The following STXBP5L variants were observed in gnomAD, a reference collection of about 807,000 sequenced individuals.
STXBP5L encodes syntaxin-binding protein 5-like.
In STXBP5L, 65 loss-of-function variants were observed where a neutral mutation model predicts 144.5. The ratio of observed to expected loss-of-function variants is 0.45; its 90% CI spans 0.37 to 0.55. The LOEUF (loss-of-function observed/expected upper bound fraction) is 0.55, where lower values mean the gene tolerates loss of function less well. Ranked by LOEUF, STXBP5L falls within the 20% of genes least tolerant of loss-of-function variation. The pLI, the probability that STXBP5L is intolerant of heterozygous loss-of-function variation, is 0.00. For missense variants in STXBP5L, 1,298 were observed against 1,405.5 expected (o/e 0.92, Z 1.22); for synonymous variants, 505 against 469.6 (o/e 1.08, Z -0.97).
intron 3 of STXBP5L, among the ~76,000 whole-genome samples, chr3:120,988,824 C>A (rs1290159812): frequency 6.6e-6 from 1 of 152,038 alleles, no homozygotes; most frequent in East Asian, 1.9e-4. Context: ...CCCACTCTTC[C>A]ACTTTTCTGA....
chr3:121,217,677 C>A (rs965079514), intron 10 of STXBP5L, among the ~76,000 whole-genome samples: 1 of 152,066 alleles, frequency 6.6e-6, no homozygotes, highest in African/African-American at 2.4e-5. Flanking sequence ...TTTTAAAAAT[C>A]TTTTCTCTTT....
chr3:121,358,243 G>A (rs139006587), intron 20 of STXBP5L, among the ~76,000 whole-genome samples: 45 of 150,606 alleles, frequency 3.0e-4, no homozygotes, highest in African/African-American at 8.8e-4. Context: ...TTAACCATCC[G>A]CAACACCTCC....
chr3:121,016,739 CAGAT>C (rs763978894), intron 3 of STXBP5L, among the ~76,000 whole-genome samples: 2 of 152,094 alleles, frequency 1.3e-5, no homozygotes, highest in Admixed American at 6.6e-5. Flanking sequence ...CACATGAGGA[CAGAT>C]AGATAATCTG....
intron 3 of STXBP5L, among the ~76,000 whole-genome samples, chr3:120,974,483 G>T (rs1214728153): frequency 1.0e-4 from 15 of 148,962 alleles, no homozygotes; most frequent in African/African-American, 2.3e-4. Flanking sequence ...ATTCTCCCAT[G>T]CTCTAGGTTG....
chr3:121,259,137 A>G lies in STXBP5L; in HGVS notation c.1927A>G (p.Thr643Ala). Residue 643 changes from threonine (T) to alanine (A), a missense_variant, in exon 18 of 27, where the codon ACT becomes GCT. Physicochemically the swap from Thr to Ala is moderately conservative, Grantham distance 58. Transcript: ENST00000471454. ...WVDGEPPQQI[T>A]SLAVSSAYGI... ...AGATGGTGAACCTCCACAACAGATT[A>G]CTAGTCTTGCTGTAAGCTCAGCATA... 1 of 1,597,132 alleles carries G rather than the reference A, an allele frequency of 6.3e-7. No individual in the cohort carries two copies. Among genetic ancestry groups the G allele is most frequent in the Non-Finnish European group, 8.5e-7 (1 of 1,170,552 alleles).
At chr3:121,061,664 C>A (rs2107632011) in intron 5 of STXBP5L, among the ~76,000 whole-genome samples, 1 of 152,304 alleles carries the variant, frequency 6.6e-6, no homozygotes, top group South Asian at 2.1e-4. Context: ...GTATGTGGTG[C>A]AGATATATTT....
intron 5 of STXBP5L, among the ~76,000 whole-genome samples, chr3:121,100,008 C>A (rs1020450903): frequency 6.6e-6 from 1 of 152,078 alleles, no homozygotes; most frequent in Non-Finnish European, 1.5e-5. Flanking sequence ...TAAAGAAGGA[C>A]ATTACATAAT....
intron 5 of STXBP5L, among the ~76,000 whole-genome samples, chr3:121,073,890 C>A (rs192113543): frequency 4.5e-3 from 680 of 152,308 alleles, no homozygotes; most frequent in Non-Finnish European, 5.5e-3. Flanking sequence ...CATGCTGCCC[C>A]TGAGAGATGT....
chr3:121,119,027 G>C (rs915329251), intron 6 of STXBP5L, among the ~76,000 whole-genome samples: 1 of 151,466 alleles, frequency 6.6e-6, no homozygotes, highest in South Asian at 2.1e-4. Flanking sequence ...CAGATGAACA[G>C]ATGAAATTGT....
intron 15 of STXBP5L, among the ~76,000 whole-genome samples, chr3:121,253,702 C>T (rs1395739170): frequency 1.3e-5 from 2 of 150,318 alleles, no homozygotes; most frequent in Non-Finnish European, 3.0e-5. Flanking sequence ...AGTCTCGGCT[C>T]ACTGCAAGCT....
At chr3:121,039,123 T>C (rs1241048896) in intron 3 of STXBP5L, among the ~76,000 whole-genome samples, 1 of 151,970 alleles carries the variant, frequency 6.6e-6, no homozygotes, top group East Asian at 1.9e-4. Context: ...TAGCTGGGTA[T>C]AAATCTACCA....
intron 14 of STXBP5L, among the ~76,000 whole-genome samples, chr3:121,246,339 C>T (rs1011976006): frequency 2.6e-5 from 4 of 152,146 alleles, no homozygotes; most frequent in Admixed American, 6.5e-5. Flanking sequence ...TTGTTTTCCA[C>T]GAAACTAGTC....
chr3:121,176,225 A>T (rs2046927286), intron 9 of STXBP5L, among the ~76,000 whole-genome samples: 1 of 152,068 alleles, frequency 6.6e-6, no homozygotes, highest in South Asian at 2.1e-4. Flanking sequence ...AGAACAGTCA[A>T]CACAAGAGTA....
intron 3 of STXBP5L, among the ~76,000 whole-genome samples, chr3:121,038,656 A>T (rs1946928406): frequency 6.6e-6 from 1 of 151,572 alleles, no homozygotes; most frequent in South Asian, 2.1e-4. Flanking sequence ...ATTTTTACTG[A>T]TTTTGTCTTA....
intron 2 of STXBP5L, among the ~76,000 whole-genome samples, chr3:120,935,848 TA>T (rs1710239935): frequency 6.6e-6 from 1 of 152,096 alleles, no homozygotes; most frequent in African/African-American, 2.4e-5. Context: ...CCTATGCATA[TA>T]TTTTTTGGTG....
chr3:121,352,623 T>C (rs2045335511), intron 20 of STXBP5L, among the ~76,000 whole-genome samples: 2 of 152,138 alleles, frequency 1.3e-5, no homozygotes, highest in African/African-American at 4.8e-5. Flanking sequence ...TCATGTCATC[T>C]GCAAACAGGG....
intron 7 of STXBP5L, among the ~76,000 whole-genome samples, chr3:121,135,630 A>C (rs907111943): frequency 1.3e-5 from 2 of 152,190 alleles, no homozygotes; most frequent in Non-Finnish European, 2.9e-5. Flanking sequence ...CTAATGCTGC[A>C]GCTGATCTGA....
chr3:121,249,800 T>C (rs1261196972), intron 14 of STXBP5L, among the ~76,000 whole-genome samples: 1 of 152,120 alleles, frequency 6.6e-6, no homozygotes, highest in Non-Finnish European at 1.5e-5. Context: ...TCTTTCATTA[T>C]TATGTATGTT....
At chr3:121,135,927 C>G (rs1223841104) in intron 7 of STXBP5L, among the ~76,000 whole-genome samples, 1 of 152,186 alleles carries the variant, frequency 6.6e-6, no homozygotes, top group Non-Finnish European at 1.5e-5. Flanking sequence ...CGGGCTGTAG[C>G]TACTGAAGGC....
Sources: allele counts gnomAD v4.1 joint callset (sites outside exome capture counted in the v4.1 genomes callset), GRCh38; gene constraint gnomAD v4.1.1; transcripts MANE v1.5; gene names NCBI Gene and HGNC (gene_info 2026-07-23, HGNC 2026-07-21).